The following COL24A1 variants were observed in gnomAD, a reference collection of about 807,000 sequenced individuals.
COL24A1 encodes collagen type XXIV alpha 1 chain.
In COL24A1, 224 loss-of-function variants were observed where a neutral mutation model predicts 253.9. The ratio of observed to expected loss-of-function variants is 0.88; its 90% confidence interval spans 0.79 to 0.99. COL24A1 has a LOEUF of 0.99. COL24A1 is among the 50% of genes least tolerant of loss of function. The pLI, the probability that COL24A1 is intolerant of heterozygous loss-of-function variation, is 0.00. For missense variants in COL24A1, 2,131 were observed against 2,068.5 expected, an observed-to-expected ratio of 1.03 and a Z score of -0.59; for synonymous variants, 685 against 673.7, an observed-to-expected ratio of 1.02 and a Z score of -0.26.
intron 47 of COL24A1, among the ~76,000 whole-genome samples, chr1:85,794,015 C>T (rs939460999): frequency 3.3e-5 from 5 of 151,302 alleles, no homozygotes; most frequent in South Asian, 4.2e-4. Context: ...ATGTAAGCAG[C>T]AAAAAAAATA....
intron 7 of COL24A1, among the ~76,000 whole-genome samples, chr1:86,076,492 T>C (rs1394164969): frequency 1.3e-5 from 2 of 152,210 alleles, no homozygotes; most frequent in South Asian, 2.1e-4. Context: ...TTCAATGCTA[T>C]CCCCATTCAA....
At chr1:86,052,658 C>G (rs2101695654) in intron 10 of COL24A1, among the ~76,000 whole-genome samples, 1 of 151,970 alleles carries the variant, frequency 6.6e-6, no homozygotes, top group East Asian at 1.9e-4. Flanking sequence ...TGGATGGTGG[C>G]AATGGTTGTA....
At chr1:86,095,952 G>A (rs1286769517) in intron 5 of COL24A1, among the ~76,000 whole-genome samples, 5 of 151,996 alleles carry the variant, frequency 3.3e-5, no homozygotes, top group East Asian at 1.9e-4. Flanking sequence ...CAAGGTAGAG[G>A]ACCCATTAAC....
intron 2 of COL24A1, among the ~76,000 whole-genome samples, chr1:86,143,522 A>G (rs1262324569): frequency 6.6e-6 from 1 of 152,196 alleles, no homozygotes; most frequent in East Asian, 1.9e-4. Context: ...TGTGAATATT[A>G]AATTAACCAA....
intron 53 of COL24A1, 95 bp downstream of exon 53, chr1:85,775,579 A>G (rs1668458162): frequency 2.0e-6 from 2 of 985,444 alleles, no homozygotes; most frequent in Non-Finnish European, 3.1e-6. Context: ...AGTATCAGAG[A>G]CATAATAATG....
intron 14 of COL24A1, among the ~76,000 whole-genome samples, chr1:86,028,742 C>A (rs1415620336): frequency 6.6e-6 from 1 of 152,174 alleles, no homozygotes; most frequent in African/African-American, 2.4e-5. Context: ...AGAGAAAATA[C>A]AGAAGATCCA....
intron 47 of COL24A1, among the ~76,000 whole-genome samples, chr1:85,797,207 C>CAA (rs1181001829): frequency 0.03 from 1,915 of 64,476 alleles, 81 homozygotes; most frequent in Middle Eastern, 0.078. Context: ...GACTCCGTCT[C>CAA]AAAAAAAAAA....
chr1:85,758,153 TC>T (rs1174911042), intron 55 of COL24A1, among the ~76,000 whole-genome samples: 6 of 152,088 alleles, frequency 3.9e-5, no homozygotes, highest in Admixed American at 2.6e-4. Context: ...CGTTATTTTT[TC>T]ATATGTCTAA....
intron 47 of COL24A1, among the ~76,000 whole-genome samples, chr1:85,787,929 C>T (rs371444680): frequency 1.8e-4 from 27 of 152,106 alleles, no homozygotes; most frequent in Non-Finnish European, 3.2e-4. Context: ...CCATTCTGAC[C>T]GGTGTGAGAT....
chr1:85,980,841 G>A (rs896950869), intron 20 of COL24A1, among the ~76,000 whole-genome samples: 5 of 152,028 alleles, frequency 3.3e-5, no homozygotes, highest in African/African-American at 1.2e-4. Context: ...CCCAGAAGGC[G>A]GAGCTTGCAG....
rs192099806 is a variant in COL24A1 at position 85,774,457 on chromosome 1, C to T, written c.4374+1217G>A. Among the ~76,000 whole-genome samples, 567 of 152,244 alleles carry T rather than the reference C, an allele frequency of 3.7e-3. 5 individuals carry two copies. Among genetic ancestry groups the T allele is most frequent in the Middle Eastern group, 0.024 (7 of 294 alleles). On this transcript the variant is annotated intron_variant, in intron 53 of 59. Transcript: ENST00000370571. ...TTCAGAAGAAATGGTACCAGCTCCT[C>T]CTTGTACCTCTAGTAGAATTCGGCT...
chr1:86,005,370 T>C (rs1275380163), intron 19 of COL24A1, among the ~76,000 whole-genome samples: 2 of 136,428 alleles, frequency 1.5e-5, no homozygotes, highest in Admixed American at 7.3e-5. Context: ...CTCCATAAAG[T>C]AAAAAAAAAA....
At chr1:85,983,695 T>C (rs1381382819) in intron 20 of COL24A1, among the ~76,000 whole-genome samples, 3 of 151,876 alleles carry the variant, frequency 2.0e-5, no homozygotes, top group African/African-American at 7.2e-5. Flanking sequence ...CTTGCTTCTA[T>C]GATACAGTAC....
At chr1:86,026,607 A>G (rs1043135178) in intron 14 of COL24A1, among the ~76,000 whole-genome samples, 1 of 152,216 alleles carries the variant, frequency 6.6e-6, no homozygotes, top group Non-Finnish European at 1.5e-5. Context: ...CAGAACTGTG[A>G]GTCAATTAAA....
rs185075097 is a variant in COL24A1 at position 85,992,784 on chromosome 1, C to A, written c.2311-5130G>T. ...ACATTTTCTCTCACAATGTGTTTTACCACCTCAGTTAAGTCATCCTATCAG... is the reference window on the plus strand; with the variant it reads ...ACATTTTCTCTCACAATGTGTTTTAACACCTCAGTTAAGTCATCCTATCAG... On this transcript the variant is annotated intron_variant, in intron 19 of 59. Coordinates refer to ENST00000370571, the MANE Select transcript of COL24A1 (RefSeq NM_152890.7). 2.2e-3 allele frequency among the ~76,000 whole-genome samples: 334 copies of A among 152,208 alleles called. 1 individual carries two copies. The highest frequency in any genetic ancestry group is 3.5e-3 in the Non-Finnish European group (237 of 67,986).
intron 47 of COL24A1, among the ~76,000 whole-genome samples, chr1:85,813,895 GAC>G (rs1362041252): frequency 2.6e-5 from 4 of 152,160 alleles, no homozygotes; most frequent in Non-Finnish European, 5.9e-5. Flanking sequence ...GAAGATGCAT[GAC>G]AGTTTAGAAA....
At chr1:86,003,771 C>A (rs1429156798) in intron 19 of COL24A1, among the ~76,000 whole-genome samples, 1 of 138,526 alleles carries the variant, frequency 7.2e-6, no homozygotes, top group East Asian at 2.3e-4. Context: ...TGGTCAGGGG[C>A]CTGGGAGGAA....
At chr1:85,757,519 G>A (rs1056223268) in intron 55 of COL24A1, among the ~76,000 whole-genome samples, 1 of 152,032 alleles carries the variant, frequency 6.6e-6, no homozygotes, top group Non-Finnish European at 1.5e-5. Flanking sequence ...TCATGCTAAG[G>A]TACCAGCAAT....
intron 10 of COL24A1, among the ~76,000 whole-genome samples, chr1:86,054,656 G>A (rs150246920): frequency 4.6e-5 from 7 of 152,204 alleles, no homozygotes; most frequent in African/African-American, 1.7e-4. Context: ...TGTTGATGAG[G>A]TTTCAGGAAA....
Sources: allele counts gnomAD v4.1 joint callset (sites outside exome capture counted in the v4.1 genomes callset), GRCh38; gene constraint gnomAD v4.1.1; transcripts MANE v1.5; gene names NCBI Gene and HGNC (gene_info 2026-07-23, HGNC 2026-07-21).